SLC9A3: variants seen among roughly 807,000 people sequenced by gnomAD.
SLC9A3 encodes the protein sodium/hydrogen exchanger 3.
SLC9A3 carries 37 observed loss-of-function variants against 86.8 expected under a neutral mutation model. The observed-to-expected ratio is 0.43, with a 90% CI of 0.33 to 0.56. The LOEUF is 0.56. Ranked by LOEUF, SLC9A3 falls within the 20% of genes least tolerant of loss-of-function variation. The probability of loss-of-function intolerance (pLI) is 0.06; values close to 1 mark genes in which losing one functional copy is unlikely to be tolerated. For synonymous variants in SLC9A3, 581 were observed against 528.3 expected, an observed-to-expected ratio of 1.10 and a Z score of -1.37; for missense variants, 1,011 against 1,171.9, an observed-to-expected ratio of 0.86 and a Z score of 2.00.
At chr5:500,397 G>A (rs2126638745) in intron 1 of SLC9A3, among the ~76,000 whole-genome samples, 1 of 152,352 alleles carries the variant, frequency 6.6e-6, no homozygotes, top group Non-Finnish European at 1.5e-5. Context: ...AAGGGGGGGT[G>A]GCAGGAGACG....
In SLC9A3 at chr5:496,899, C is replaced by T. The variant is rs1432104384; in HGVS notation, c.212-4828G>A. Among the ~76,000 whole-genome samples, 1 of 151,868 alleles carries T rather than the reference C, an allele frequency of 6.6e-6. No individual in the cohort carries two copies. The highest frequency in any genetic ancestry group is 1.9e-4 in the East Asian group (1 of 5,174). On this transcript the variant is annotated intron_variant, in intron 1 of 16. Coordinates refer to ENST00000264938, the MANE Select transcript of SLC9A3 (RefSeq NM_004174.4). The surrounding 1 kb of genome is among the most constrained non-coding windows in gnomAD (Gnocchi z 4.7). ...AACCCCATCTTTACAAAAAAAAATA[C>T]AAAAACTCTGCTGGGCATGGTGGCA...
chr5:481,466 C>CA (rs769054065), intron 9 of SLC9A3, 99 bp downstream of exon 9: 5 of 1,058,508 alleles, frequency 4.7e-6, no homozygotes, highest in African/African-American at 1.6e-5. Context: ...AGCCTGGACT[C>CA]AAACAGTTGT....
At chr5:486,992 G>A (rs797020049) in intron 3 of SLC9A3, among the ~76,000 whole-genome samples, 136 of 19,806 alleles carry the variant, frequency 6.9e-3, no homozygotes, top group Admixed American at 0.01. Context: ...GACACCCACC[G>A]CACTGACACC....
intron 3 of SLC9A3, among the ~76,000 whole-genome samples, chr5:487,933 G>T (rs1253498998): frequency 6.6e-6 from 1 of 152,166 alleles, no homozygotes; most frequent in Non-Finnish European, 1.5e-5. Context: ...CTCCCAAAGT[G>T]CTGGGATTAC....
intron 1 of SLC9A3, among the ~76,000 whole-genome samples, chr5:503,926 T>TG (rs1467725734): frequency 2.6e-5 from 4 of 152,194 alleles, no homozygotes; most frequent in Non-Finnish European, 5.9e-5. Context: ...CCAGAGCTCT[T>TG]GGGGGGTTCC....
intron 9 of SLC9A3, 57 bp from the exon 10 acceptor site, chr5:480,022 G>A (rs1017305696): frequency 1.6e-4 from 249 of 1,580,522 alleles, no homozygotes; most frequent in Non-Finnish European, 1.9e-4. Context: ...AGAGCCCGCC[G>A]GACGCGTGGC....
rs571357062 is a variant in SLC9A3, at chr5:491,594, C to G, written c.514+175G>C. On this transcript the variant is annotated intron_variant, in intron 2 of 16. Coordinates refer to ENST00000264938, the MANE Select transcript of SLC9A3 (RefSeq NM_004174.4). The surrounding 1 kb of genome is among the most constrained non-coding windows in gnomAD (Gnocchi z 9.2). The stretch of plus-strand genomic sequence containing the variant: ...GAACACGTGCTGGGACCTGGGGACG[C>G]GCAGGGGACTGGCCTTGGTCACGAG... Among the ~76,000 whole-genome samples the G allele has an allele frequency of 2.0e-5, 3 of 152,078 alleles. No individual in the cohort carries two copies. Among genetic ancestry groups the G allele is most frequent in the African/African-American group, 4.8e-5 (2 of 41,392 alleles).
intron 14 of SLC9A3, 100 bp from the exon 15 acceptor site, chr5:475,771 A>T (rs759594433): frequency 7.9e-6 from 6 of 756,396 alleles, no homozygotes; most frequent in Non-Finnish European, 1.4e-5. Context: ...AGGTGCAGGC[A>T]GTCGGGACCC....
At chr5:507,565 T>C (rs113737562) in intron 1 of SLC9A3, among the ~76,000 whole-genome samples, 2,261 of 151,764 alleles carry the variant, frequency 0.015, 17 homozygotes, top group Non-Finnish European at 0.022. Context: ...GCGCCCATTC[T>C]GGGGGGATCC....
chr5:492,211 GA>G (rs1739792140), intron 1 of SLC9A3, 140 bp from the exon 2 acceptor site: 1 of 229,612 alleles, frequency 4.4e-6, no homozygotes. Flanking sequence ...GTTGGGGAGG[GA>G]GGTCAGCGGG....
Position 491,684 on chromosome 5 carries a change from AC to A in SLC9A3, c.514+84del. On this transcript the variant is annotated intron_variant, in intron 2 of 16. Transcript: ENST00000264938. This position sits in a 1 kb window ranked among gnomAD's most constrained non-coding sequence, Gnocchi z 9.2. ...TACCGCCTGGAGGCCAGGGTGCGGC[AC>A]CCCGACCTTTCTGAGATGAGGCAGC... The A allele has an allele frequency of 2.3e-6, 3 of 1,288,288 alleles. No individual in the cohort carries two copies. The highest frequency in any genetic ancestry group is 3.2e-6 in the Non-Finnish European group (3 of 950,850). 79.8% of individuals were successfully genotyped at this position (1,288,288 alleles called of 1,614,324 possible). A position where few individuals can be genotyped will look rare whatever the true frequency, so the allele number is the denominator to read the frequency against.
In SLC9A3 at chr5:496,427, G is replaced by A. The variant is rs776886889; in HGVS notation, c.212-4356C>T. 5.9e-5 allele frequency among the ~76,000 whole-genome samples: 9 copies of A among 152,236 alleles called. No homozygotes were observed. The highest frequency in any genetic ancestry group is 1.0e-4 in the Non-Finnish European group (7 of 68,046). On this transcript the variant is annotated intron_variant, in intron 1 of 16. Transcript: ENST00000264938. This position sits in a 1 kb window ranked among gnomAD's most constrained non-coding sequence, Gnocchi z 4.7. ...GACGACCTGTGGGTGACGCGTGAAC[G>A]ACCCCGTTCTGTGAAAGTGTCGGCT... is the stretch of plus-strand genomic sequence containing the variant.
chr5:502,177 G>A (rs368027177), intron 1 of SLC9A3, among the ~76,000 whole-genome samples: 7 of 152,330 alleles, frequency 4.6e-5, no homozygotes, highest in South Asian at 2.1e-4. Context: ...CTGAGCAACC[G>A]CGCTGGGGCA....
rs1471433722 is a variant in SLC9A3, at chr5:472,994, G to T, written c.*385C>A. Reference sequence around the variant, plus strand: ...GCGGCGTCTCCTCCTGCTCCAGCGCGTGCGGCGGTGCGTGGCACGAGGGCG... The same window carrying T: ...GCGGCGTCTCCTCCTGCTCCAGCGCTTGCGGCGGTGCGTGGCACGAGGGCG... On this transcript the variant is annotated 3_prime_UTR_variant, in exon 17 of 17. Coordinates refer to ENST00000264938, the MANE Select transcript of SLC9A3 (RefSeq NM_004174.4). The T allele has an allele frequency of 8.3e-6, 4 of 479,516 alleles. No homozygotes were observed. Among genetic ancestry groups the T allele is most frequent in the Non-Finnish European group, 1.5e-5 (4 of 270,882 alleles). 29.7% of individuals were successfully genotyped at this position (479,516 alleles called of 1,614,324 possible). A position where few individuals can be genotyped will look rare whatever the true frequency, so the allele number is the denominator to read the frequency against.
In SLC9A3 at chr5:491,800, G is replaced by A; in HGVS notation, c.483C>T (p.Ser161=). ...TVWNAATTGL[S]LYGVFLSGLM... ...GCCCACTGAGGAAGACGCCGTAGAG[G>A]GACAGCCCGGTGGTGGCCGCGTTCC... is the stretch of plus-strand genomic sequence containing the variant. The change falls in exon 2 of 17, where the codon TCC becomes TCT. Residue 161 remains serine (S), a synonymous_variant. Transcript: ENST00000264938. This position sits in a 1 kb window ranked among gnomAD's most constrained non-coding sequence, Gnocchi z 9.2. 1.3e-6 allele frequency: 2 copies of A among 1,578,870 alleles called. No individual in the cohort carries two copies. Among genetic ancestry groups the A allele is most frequent in the East Asian group, 2.3e-5 (1 of 42,926 alleles).
chr5:507,199 G>C lies in SLC9A3; in HGVS notation c.212-15128C>G, dbSNP rs113339815. Among the ~76,000 whole-genome samples, 85 of 9,244 alleles carry C rather than the reference G, an allele frequency of 9.2e-3. 1 individual carries two copies. The highest frequency in any genetic ancestry group is 0.033 in the African/African-American group (77 of 2,302). 6.1% of individuals were successfully genotyped at this position (9,244 alleles called of 152,430 possible). ...TTTTTTTTTTTTTGAGACGGAGTCT[G>C]GCTCTGTTGCCCAGGCTGGAGTGCG... is the stretch of plus-strand genomic sequence containing the variant. On this transcript the variant is annotated intron_variant, in intron 1 of 16. Transcript: ENST00000264938.
intron 16 of SLC9A3, 108 bp from the exon 17 acceptor site, chr5:473,490 TC>T: frequency 1.0e-6 from 1 of 961,256 alleles, no homozygotes; most frequent in Non-Finnish European, 1.4e-6. Flanking sequence ...TCGCCTCCCC[TC>T]CCGCGGCGCA....
At chr5:518,976 C>A (rs1733809664) in intron 1 of SLC9A3, among the ~76,000 whole-genome samples, 1 of 152,182 alleles carries the variant, frequency 6.6e-6, no homozygotes, top group Admixed American at 6.5e-5. Flanking sequence ...CCAACCTTTG[C>A]CCCTTTCCTC....
Position 471,466 on chromosome 5 carries a change from G to A in SLC9A3, c.*1913C>T, listed in dbSNP as rs559403005. On this transcript the variant is annotated 3_prime_UTR_variant, in exon 17 of 17. Transcript: ENST00000264938. ...GGCAGCTTTGCTCCTCTGGCCACCCGGAAACCTCCCAGCAGTTCAGATGGG... is the reference window on the plus strand; with the variant it reads ...GGCAGCTTTGCTCCTCTGGCCACCCAGAAACCTCCCAGCAGTTCAGATGGG... The A allele has an allele frequency of 3.9e-5, 13 of 329,168 alleles. No individual in the cohort carries two copies. Among genetic ancestry groups the A allele is most frequent in the African/African-American group, 2.4e-4 (11 of 46,506 alleles). The allele number at this position is 329,168 out of a possible 1,614,324, so 20.4% of individuals were successfully genotyped here. A position where few individuals can be genotyped will look rare whatever the true frequency, so the allele number is the denominator to read the frequency against.
Sources: gnomAD v4.1 joint callset for allele counts (sites outside exome capture counted in the v4.1 genomes callset) on GRCh38, gnomAD v4.1.1 for gene constraint, Gnocchi (gnomAD v3.1) non-coding constraint, MANE v1.5 for transcripts, NCBI Gene and HGNC (gene_info 2026-07-23, HGNC 2026-07-21) for gene names.